The following RBFOX1 variants were observed in gnomAD, a reference collection of about 807,000 sequenced individuals.
RBFOX1 encodes RNA binding protein fox-1 homolog 1.
RBFOX1 carries 8 observed loss-of-function variants against 57.7 expected under a neutral mutation model. The ratio of observed to expected loss-of-function variants is 0.14; its 90% CI spans 0.08 to 0.25. The LOEUF (loss-of-function observed/expected upper bound fraction) is 0.25. Among genes scored for constraint, RBFOX1 ranks in the 10% least tolerant of loss-of-function variants. The pLI, the probability that RBFOX1 is intolerant of heterozygous loss-of-function variation, is 1.00. For missense variants in RBFOX1, 611 were observed against 548.5 expected (o/e 1.11, Z -1.14); for synonymous variants, 326 against 222.4 (o/e 1.47, Z -4.15).
chr16:6,453,977 C>A (rs1394351878), intron 2 of RBFOX1, among the ~76,000 whole-genome samples: 1 of 152,186 alleles, frequency 6.6e-6, no homozygotes, highest in Non-Finnish European at 1.5e-5. Context: ...AAGGCGTTGG[C>A]ATGGTTGGTT....
At chr16:7,583,675 G>T (rs953284983) in intron 6 of RBFOX1, among the ~76,000 whole-genome samples, 1 of 151,998 alleles carries the variant, frequency 6.6e-6, no homozygotes, top group Non-Finnish European at 1.5e-5. Flanking sequence ...TTACTTTAGG[G>T]GTCAAAATAC....
At chr16:5,949,233 C>G (rs2059467919) in intron 4 of RBFOX1, among the ~76,000 whole-genome samples, 1 of 152,144 alleles carries the variant, frequency 6.6e-6, no homozygotes, top group South Asian at 2.1e-4. Flanking sequence ...ATCCTCACAG[C>G]TGTCCCAGAA....
rs576893298 is a variant in RBFOX1, at chr16:6,810,539, T to C, written c.-16+155889T>C. 2.6e-5 allele frequency among the ~76,000 whole-genome samples: 4 copies of C among 152,278 alleles called. No homozygotes were observed. The East Asian group carries it at 7.7e-4, about 29-fold the overall frequency. On this transcript the variant is annotated intron_variant, in intron 3 of 15. Transcript: ENST00000550418. ...ATATGCCCCTCCAAAAACCTCTTTT[T>C]TTTTCCTTAAGTTAGCCAGTTATAG...
At chr16:6,606,746 C>G (rs1002289511) in intron 2 of RBFOX1, among the ~76,000 whole-genome samples, 1 of 152,158 alleles carries the variant, frequency 6.6e-6, no homozygotes, top group African/African-American at 2.4e-5. Context: ...TTTTCTTTAT[C>G]TGGTCTATCA....
chr16:6,822,109 G>C (rs989405065), intron 3 of RBFOX1, among the ~76,000 whole-genome samples: 1 of 152,096 alleles, frequency 6.6e-6, no homozygotes, highest in African/African-American at 2.4e-5. Context: ...CAGCTACTGG[G>C]GGAGACAGAC....
intron 4 of RBFOX1, among the ~76,000 whole-genome samples, chr16:7,223,700 G>T: frequency 7.4e-6 from 1 of 135,612 alleles, no homozygotes; most frequent in South Asian, 2.4e-4. Context: ...ACTATATGCC[G>T]TCAGTGTTTC....
chr16:6,836,871 A>G (rs1257072877), intron 3 of RBFOX1, among the ~76,000 whole-genome samples: 1 of 152,196 alleles, frequency 6.6e-6, no homozygotes, highest in African/African-American at 2.4e-5. Context: ...CTGCTGAACC[A>G]CAGGGCCTGT....
chr16:7,184,286 G>C (rs746817720), intron 4 of RBFOX1, among the ~76,000 whole-genome samples: 1 of 152,166 alleles, frequency 6.6e-6, no homozygotes, highest in Non-Finnish European at 1.5e-5. Flanking sequence ...ATAGGAAGCT[G>C]TGGAATGACC....
At chr16:6,611,565 G>C (rs2098054541) in intron 2 of RBFOX1, among the ~76,000 whole-genome samples, 1 of 152,198 alleles carries the variant, frequency 6.6e-6, no homozygotes, top group Non-Finnish European at 1.5e-5. Flanking sequence ...CATCACATGA[G>C]ACTCCACAGT....
At chr16:5,812,813 C>T (rs1200226151) in intron 3 of RBFOX1, among the ~76,000 whole-genome samples, 1 of 152,046 alleles carries the variant, frequency 6.6e-6, no homozygotes, top group African/African-American at 2.4e-5. Flanking sequence ...GGGTATATGA[C>T]TGTGATTTTA....
chr16:5,557,988 G>T (rs2045743555), intron 2 of RBFOX1, among the ~76,000 whole-genome samples: 1 of 152,158 alleles, frequency 6.6e-6, no homozygotes, highest in Non-Finnish European at 1.5e-5. Context: ...GAGTTCAGCT[G>T]GTGGTGGTCA....
downstream of RBFOX1, among the ~76,000 whole-genome samples, chr16:5,604,196 A>G (rs2047475624): frequency 6.6e-6 from 1 of 152,226 alleles, no homozygotes; most frequent in African/African-American, 2.4e-5. Flanking sequence ...ATAAGAATAC[A>G]AAAAATTCAT....
intron 4 of RBFOX1, among the ~76,000 whole-genome samples, chr16:7,505,350 G>A (rs947618361): frequency 2.6e-5 from 4 of 152,096 alleles, no homozygotes; most frequent in South Asian, 2.1e-4. Flanking sequence ...CTTTGACAGA[G>A]GTTTTCAGTG....
At chr16:6,245,001 A>G (rs1318662195) in intron 1 of RBFOX1, among the ~76,000 whole-genome samples, 1 of 151,880 alleles carries the variant, frequency 6.6e-6, no homozygotes, top group Non-Finnish European at 1.5e-5. Flanking sequence ...TATGATATTT[A>G]TTATATTTGA....
At chr16:5,502,062 T>G (rs1445772530) in intron 2 of RBFOX1, among the ~76,000 whole-genome samples, 1 of 151,854 alleles carries the variant, frequency 6.6e-6, no homozygotes, top group African/African-American at 2.4e-5. Context: ...ATTGTTATGA[T>G]TACTGAGGAG....
At chr16:5,552,079 C>G (rs553996531) in intron 2 of RBFOX1, among the ~76,000 whole-genome samples, 167 of 152,264 alleles carry the variant, frequency 1.1e-3, no homozygotes, top group African/African-American at 3.6e-3. Flanking sequence ...ATGAAACAGA[C>G]TGTGTCGTGT....
At chr16:7,540,821 T>G (rs1354676227) in intron 5 of RBFOX1, among the ~76,000 whole-genome samples, 1 of 152,224 alleles carries the variant, frequency 6.6e-6, no homozygotes, top group African/African-American at 2.4e-5. Context: ...TTTGCAGATT[T>G]AAGAAACCTA....
At chr16:7,420,525 A>C (rs2098530366) in intron 4 of RBFOX1, among the ~76,000 whole-genome samples, 1 of 152,182 alleles carries the variant, frequency 6.6e-6, no homozygotes, top group Admixed American at 6.5e-5. Context: ...TGTTTGAATC[A>C]ACCAGGCCTT....
At chr16:6,788,378 G>A (rs1438071922) in intron 3 of RBFOX1, among the ~76,000 whole-genome samples, 3 of 151,928 alleles carry the variant, frequency 2.0e-5, no homozygotes. Flanking sequence ...CTTGTAACTA[G>A]TTTCATAATA....
Sources: allele counts gnomAD v4.1 joint callset (sites outside exome capture counted in the v4.1 genomes callset), GRCh38; gene constraint gnomAD v4.1.1; transcripts MANE v1.5; gene names NCBI Gene and HGNC (gene_info 2026-07-23, HGNC 2026-07-21).